FMN2: variants seen among roughly 807,000 people sequenced by gnomAD.
FMN2 encodes formin 2, also known as formin-2.
Under a neutral mutation model 142.3 loss-of-function variants are expected in FMN2, and 51 were observed. The observed-to-expected ratio is 0.36, with a 90% CI of 0.29 to 0.45. The LOEUF (loss-of-function observed/expected upper bound fraction) is 0.45, where lower values mean the gene tolerates loss of function less well. Ranked by LOEUF, FMN2 falls within the 20% of genes least tolerant of loss-of-function variation. The pLI, the probability that FMN2 is intolerant of heterozygous loss-of-function variation, is 1.00. For synonymous variants in FMN2, 882 were observed against 869.8 expected, an observed-to-expected ratio of 1.01 and a Z score of -0.25; for missense variants, 1,936 against 2,122.8, an observed-to-expected ratio of 0.91 and a Z score of 1.73.
chr1:240,404,148 T>C (rs563249511), intron 15 of FMN2, among the ~76,000 whole-genome samples: 1 of 152,334 alleles, frequency 6.6e-6, no homozygotes, highest in East Asian at 1.9e-4. Context: ...TCATACAGTA[T>C]GTAACTATTC....
Position 240,403,447 on chromosome 1 carries a change from A to T in FMN2, c.4910+10885A>T, listed in dbSNP as rs549022348. 2.6e-5 allele frequency among the ~76,000 whole-genome samples: 4 copies of T among 152,298 alleles called. No homozygotes were observed. In the East Asian group the frequency reaches 7.7e-4, roughly 29 times the overall value. Reference sequence around the variant, plus strand: ...TCAGGAATTCAAGACCAGCCTGAACAACATGGCAAAACCTCATCTCTACTA... The same window carrying T: ...TCAGGAATTCAAGACCAGCCTGAACTACATGGCAAAACCTCATCTCTACTA... On this transcript the variant is annotated intron_variant, in intron 15 of 17. Coordinates refer to ENST00000319653, the MANE Select transcript of FMN2 (RefSeq NM_020066.5).
At chr1:240,432,047 G>A (rs947414146) in intron 15 of FMN2, among the ~76,000 whole-genome samples, 1 of 151,786 alleles carries the variant, frequency 6.6e-6, no homozygotes, top group Admixed American at 6.6e-5. Context: ...TGTAAGATTG[G>A]CTTTATTTCT....
At position 240,438,113 on chromosome 1, in the gene FMN2, G is replaced by C. The variant is rs1372450758; in HGVS notation, c.4963G>C (p.Glu1655Gln). The change falls in exon 16 of 18, where the codon GAG becomes CAG. Residue 1655 changes from glutamate (E) to glutamine (Q), a missense_variant. This residue lies in a region of FMN2 where 322 missense variants were observed against 401.6 expected (regional missense o/e 0.80). Coordinates refer to ENST00000319653, the MANE Select transcript of FMN2 (RefSeq NM_020066.5). ...CATGAAACCAAAACTTGGAGAGAAG[G>C]AGGTGTCCCCAAATGCTTTCTTCAG... ...FFMKPKLGEKEVSPNAFFSIW... is the reference protein window; with the variant it reads ...FFMKPKLGEKQVSPNAFFSIW... The C allele has an allele frequency of 6.2e-7, 1 of 1,614,150 alleles. No homozygotes were observed. The highest frequency in any genetic ancestry group is 1.1e-5 in the South Asian group (1 of 91,068).
intron 7 of FMN2, among the ~76,000 whole-genome samples, chr1:240,265,526 G>A (rs1030652371): frequency 1.2e-4 from 18 of 152,122 alleles, no homozygotes; most frequent in African/African-American, 4.3e-4. Flanking sequence ...ATTATTGTAA[G>A]AGAGTTCTCA....
At chr1:240,270,174 T>C (rs1172953132) in intron 7 of FMN2, among the ~76,000 whole-genome samples, 1 of 152,088 alleles carries the variant, frequency 6.6e-6, no homozygotes, top group East Asian at 1.9e-4. Context: ...GCTTATCATA[T>C]ATGGCCTTTA....
intron 1 of FMN2, among the ~76,000 whole-genome samples, chr1:240,112,237 G>A (rs1000124686): frequency 6.0e-5 from 9 of 150,942 alleles, no homozygotes; most frequent in Admixed American, 2.0e-4. Context: ...GTTCAAGTGC[G>A]CCTCCTGCCT....
At chr1:240,422,651 C>T (rs1674813075) in intron 15 of FMN2, among the ~76,000 whole-genome samples, 1 of 152,146 alleles carries the variant, frequency 6.6e-6, no homozygotes, top group Admixed American at 6.6e-5. Flanking sequence ...TTGTAGATTC[C>T]TTGGCATTTT....
intron 16 of FMN2, among the ~76,000 whole-genome samples, chr1:240,460,329 T>C (rs10802877): frequency 0.77 from 117,320 of 152,190 alleles, 45,255 homozygotes; most frequent in Middle Eastern, 0.83. Flanking sequence ...TGCTGGCTCG[T>C]GCCTGTAACA....
At chr1:240,427,966 C>T (rs1159987414) in intron 15 of FMN2, among the ~76,000 whole-genome samples, 1 of 152,034 alleles carries the variant, frequency 6.6e-6, no homozygotes, top group African/African-American at 2.4e-5. Context: ...TCAGTTATTC[C>T]GTGAAATACT....
chr1:240,277,460 G>T (rs1358151353), intron 7 of FMN2, among the ~76,000 whole-genome samples: 1 of 146,082 alleles, frequency 6.8e-6, no homozygotes, highest in Admixed American at 6.8e-5. Flanking sequence ...TCAAATAAAT[G>T]GAGGGAGAAG....
At chr1:240,455,317 A>G (rs1000470931) in intron 16 of FMN2, among the ~76,000 whole-genome samples, 2 of 152,142 alleles carry the variant, frequency 1.3e-5, no homozygotes, top group Admixed American at 6.5e-5. Context: ...GTTCCAGACC[A>G]GCCTAGAAAA....
chr1:240,401,325 T>C (rs575584961), intron 15 of FMN2, among the ~76,000 whole-genome samples: 1 of 152,330 alleles, frequency 6.6e-6, no homozygotes, highest in South Asian at 2.1e-4. Flanking sequence ...CCATGTATCA[T>C]ATTATCACAA....
chr1:240,314,148 TTATCA>T (rs1670688491), intron 8 of FMN2, among the ~76,000 whole-genome samples: 1 of 152,138 alleles, frequency 6.6e-6, no homozygotes, highest in African/African-American at 2.4e-5. Context: ...ACAATTTTAA[TTATCA>T]TATAAGAATT....
At chr1:240,363,676 C>A (rs112667474) in intron 14 of FMN2, among the ~76,000 whole-genome samples, 3 of 152,344 alleles carry the variant, frequency 2.0e-5, no homozygotes, top group South Asian at 2.1e-4. Context: ...TGTCCTCCCC[C>A]ACCTGCCTGT....
intron 13 of FMN2, among the ~76,000 whole-genome samples, chr1:240,334,571 G>A (rs1413484654): frequency 6.6e-6 from 1 of 152,122 alleles, no homozygotes; most frequent in Non-Finnish European, 1.5e-5. Context: ...TGTAATAGAA[G>A]ATAAATAGTC....
intron 16 of FMN2, among the ~76,000 whole-genome samples, chr1:240,465,128 T>G (rs1274409518): frequency 6.6e-6 from 1 of 152,126 alleles, no homozygotes; most frequent in Non-Finnish European, 1.5e-5. Context: ...CGTAATAAAC[T>G]TCACCAAATC....
chr1:240,263,712 T>C (rs1668704897), intron 7 of FMN2, among the ~76,000 whole-genome samples: 2 of 152,142 alleles, frequency 1.3e-5, no homozygotes, highest in Admixed American at 1.3e-4. Context: ...TATTTGAAAA[T>C]AGATTACAGA....
intron 13 of FMN2, among the ~76,000 whole-genome samples, chr1:240,336,190 G>A (rs7545070): frequency 0.41 from 61,810 of 151,504 alleles, 13,084 homozygotes; most frequent in Admixed American, 0.53. Context: ...AAAAAGACAA[G>A]CAGCCAGCGC....
chr1:240,364,798 G>A (rs1672606738), intron 14 of FMN2, among the ~76,000 whole-genome samples: 1 of 152,150 alleles, frequency 6.6e-6, no homozygotes, highest in South Asian at 2.1e-4. Flanking sequence ...GTACGTCGCA[G>A]ACTCCCAATA....
Sources: gnomAD v4.1 joint callset for allele counts (sites outside exome capture counted in the v4.1 genomes callset) on GRCh38, gnomAD v4.1.1 for gene constraint, gnomAD v4.1.1 regional missense constraint, MANE v1.5 for transcripts, NCBI Gene and HGNC (gene_info 2026-07-23, HGNC 2026-07-21) for gene names.